The following SGCZ variants were observed in gnomAD, a reference collection of about 807,000 sequenced individuals.
The protein encoded by SGCZ is zeta-sarcoglycan.
A neutral mutation model predicts 41.3 loss-of-function variants in SGCZ; 40 were observed. The observed-to-expected ratio is 0.97, with a 90% confidence interval of 0.75 to 1.26. The LOEUF (loss-of-function observed/expected upper bound fraction) is 1.26. Among genes scored for constraint, SGCZ ranks in the 50% most tolerant of loss-of-function variants. The pLI is 0.00. For missense variants in SGCZ, 552 were observed against 369.8 expected (o/e 1.49, Z -4.04); for synonymous variants, 206 against 137.5 (o/e 1.50, Z -3.49).
At chr8:14,918,823 A>T (rs571775191) in intron 1 of SGCZ, among the ~76,000 whole-genome samples, 47 of 152,320 alleles carry the variant, frequency 3.1e-4, no homozygotes, top group Admixed American at 3.1e-3. Flanking sequence ...AGACCAGCAT[A>T]CACTATGTGC....
At chr8:14,233,079 C>T (rs141328446) in intron 4 of SGCZ, among the ~76,000 whole-genome samples, 77 of 151,994 alleles carry the variant, frequency 5.1e-4, no homozygotes, top group African/African-American at 1.4e-3. Context: ...GCTAACAAAA[C>T]GAACAAATAA....
intron 1 of SGCZ, among the ~76,000 whole-genome samples, chr8:14,658,458 G>T (rs1807644887): frequency 6.6e-6 from 1 of 151,998 alleles, no homozygotes; most frequent in African/African-American, 2.4e-5. Flanking sequence ...CTAAGCTTCA[G>T]GCACCTGCTA....
intron 2 of SGCZ, among the ~76,000 whole-genome samples, chr8:14,481,315 C>G (rs924641617): frequency 6.6e-6 from 1 of 151,956 alleles, no homozygotes; most frequent in Non-Finnish European, 1.5e-5. Flanking sequence ...AGTTATAGAA[C>G]AAAGGAGACT....
chr8:14,682,432 T>G (rs2117544729), intron 1 of SGCZ, among the ~76,000 whole-genome samples: 1 of 94,418 alleles, frequency 1.1e-5, no homozygotes, highest in Non-Finnish European at 1.9e-5. Context: ...CACCCTGCAA[T>G]GCAATTTTTT....
intron 2 of SGCZ, among the ~76,000 whole-genome samples, chr8:14,476,377 C>T (rs1801361025): frequency 6.6e-6 from 1 of 151,976 alleles, no homozygotes; most frequent in Admixed American, 6.6e-5. Flanking sequence ...AGCTGATTCC[C>T]ATCATAAATC....
intron 1 of SGCZ, among the ~76,000 whole-genome samples, chr8:15,077,010 G>A (rs1364846252): frequency 1.3e-5 from 2 of 152,106 alleles, no homozygotes; most frequent in Non-Finnish European, 2.9e-5. Flanking sequence ...GTCTCAAATA[G>A]GGTTTTAAGT....
chr8:14,616,255 C>G (rs1341390136), intron 1 of SGCZ, among the ~76,000 whole-genome samples: 1 of 150,440 alleles, frequency 6.6e-6, no homozygotes, highest in African/African-American at 2.5e-5. Flanking sequence ...TGCACTCCAA[C>G]CTGGGCCACA....
At chr8:14,731,692 C>G (rs931838804) in intron 1 of SGCZ, among the ~76,000 whole-genome samples, 5 of 152,146 alleles carry the variant, frequency 3.3e-5, no homozygotes, top group African/African-American at 1.2e-4. Flanking sequence ...TTTCATTGTA[C>G]ATATGACACA....
At position 15,106,541 on chromosome 8, in the gene SGCZ, T is replaced by C. The variant is rs112953465; in HGVS notation, c.39+131044A>G. Among the ~76,000 whole-genome samples, 544 of 151,974 alleles carry C rather than the reference T, an allele frequency of 3.6e-3. 5 individuals carry two copies. The highest frequency in any genetic ancestry group is 0.01 in the African/African-American group (430 of 41,556). On this transcript the variant is annotated intron_variant, in intron 1 of 7. Coordinates refer to ENST00000382080, the MANE Select transcript of SGCZ (RefSeq NM_139167.4). ...TTGTAAATGAAACTTTTCCATCCAT[T>C]ATACTTTACATCCTTTTATTACATA...
At chr8:14,256,868 T>C (rs984798005) in intron 3 of SGCZ, among the ~76,000 whole-genome samples, 29 of 152,224 alleles carry the variant, frequency 1.9e-4, no homozygotes, top group African/African-American at 5.1e-4. Flanking sequence ...TAATTATTTA[T>C]AGACCATTGT....
chr8:15,060,025 G>C (rs534604216), intron 1 of SGCZ, among the ~76,000 whole-genome samples: 9 of 152,144 alleles, frequency 5.9e-5, no homozygotes, highest in Non-Finnish European at 1.2e-4. Context: ...GCCATTCTCA[G>C]GGCTTTGTTT....
intron 2 of SGCZ, among the ~76,000 whole-genome samples, chr8:14,438,572 G>C (rs1009670819): frequency 1.3e-5 from 2 of 151,898 alleles, no homozygotes; most frequent in African/African-American, 4.8e-5. Flanking sequence ...AGCATAAAAA[G>C]TGTTCCTAGA....
chr8:14,370,630 T>C (rs923462128), intron 2 of SGCZ, among the ~76,000 whole-genome samples: 1 of 152,034 alleles, frequency 6.6e-6, no homozygotes, highest in African/African-American at 2.4e-5. Flanking sequence ...ATTGAAAGAA[T>C]TAAATTTTAG....
intron 2 of SGCZ, among the ~76,000 whole-genome samples, chr8:14,528,760 C>G (rs921571968): frequency 6.7e-6 from 1 of 150,292 alleles, no homozygotes; most frequent in East Asian, 2.0e-4. Context: ...CCTCCTTCCT[C>G]CCAGTTAATA....
At chr8:14,920,011 C>T (rs1185535707) in intron 1 of SGCZ, among the ~76,000 whole-genome samples, 1 of 152,156 alleles carries the variant, frequency 6.6e-6, no homozygotes, top group South Asian at 2.1e-4. Flanking sequence ...CACCATACTC[C>T]TTTTAGTAGA....
chr8:14,185,345 G>C (rs1456625238), intron 4 of SGCZ, among the ~76,000 whole-genome samples: 5 of 152,134 alleles, frequency 3.3e-5, no homozygotes, highest in Non-Finnish European at 5.9e-5. Context: ...GTAGGTTGCA[G>C]TGAGCCGAGA....
At chr8:14,634,878 G>C (rs911106716) in intron 1 of SGCZ, among the ~76,000 whole-genome samples, 2 of 151,812 alleles carry the variant, frequency 1.3e-5, no homozygotes, top group Non-Finnish European at 2.9e-5. Context: ...GTTATGTATA[G>C]AGACCATCCA....
intron 1 of SGCZ, among the ~76,000 whole-genome samples, chr8:14,726,120 G>T (rs376162644): frequency 1.8e-3 from 275 of 151,464 alleles, no homozygotes; most frequent in Middle Eastern, 3.4e-3. Context: ...TTAGCCAGGC[G>T]TGGTGGCACG....
intron 2 of SGCZ, among the ~76,000 whole-genome samples, chr8:14,525,087 A>C (rs74764940): frequency 0.025 from 3,739 of 147,142 alleles, 114 homozygotes; most frequent in East Asian, 0.075. Context: ...ATAGACACAT[A>C]GATAGATAGA....
Sources: gnomAD v4.1 joint callset for allele counts (sites outside exome capture counted in the v4.1 genomes callset) on GRCh38, gnomAD v4.1.1 for gene constraint, MANE v1.5 for transcripts, NCBI Gene and HGNC (gene_info 2026-07-23, HGNC 2026-07-21) for gene names.